The following DPYSL2 variants were observed in gnomAD, a reference collection of about 807,000 sequenced individuals.
The protein encoded by DPYSL2 is dihydropyrimidinase-related protein 2.
A neutral mutation model predicts 69.9 loss-of-function variants in DPYSL2; 13 were observed. The ratio of observed to expected loss-of-function variants is 0.19; its 90% CI spans 0.12 to 0.30. The LOEUF (loss-of-function observed/expected upper bound fraction) is 0.30, where lower values mean the gene tolerates loss of function less well. Ranked by LOEUF, DPYSL2 falls within the 10% of genes least tolerant of loss-of-function variation. DPYSL2 has a pLI of 1.00. For synonymous variants in DPYSL2, 326 were observed against 359.1 expected, an observed-to-expected ratio of 0.91 and a Z score of 1.04; for missense variants, 587 against 918.9, an observed-to-expected ratio of 0.64 and a Z score of 4.67.
intron 3 of DPYSL2, among the ~76,000 whole-genome samples, chr8:26,594,750 A>C (rs1276861447): frequency 6.6e-6 from 1 of 152,202 alleles, no homozygotes; most frequent in Non-Finnish European, 1.5e-5. Context: ...GTTGCATGCC[A>C]CCTGATTCCA....
At chr8:26,579,553 G>A (rs1801439342) in intron 1 of DPYSL2, among the ~76,000 whole-genome samples, 1 of 152,218 alleles carries the variant, frequency 6.6e-6, no homozygotes. Context: ...TTTGGTTCTG[G>A]TTTTCCCTTT....
At position 26,624,341 on chromosome 8, in the gene DPYSL2, G is replaced by A; in HGVS notation, c.793+34G>A. 2 of 1,606,182 alleles carry A rather than the reference G, an allele frequency of 1.2e-6. No individual in the cohort carries two copies. Among genetic ancestry groups the A allele is most frequent in the Admixed American group, 1.7e-5 (1 of 59,690 alleles). On this transcript the variant is annotated intron_variant, in intron 4 of 13. Transcript: ENST00000521913. This position sits in a 1 kb window ranked among gnomAD's most constrained non-coding sequence, Gnocchi z 4.7. ...CACTGAGTCAATGCCCTCTGCAGAT[G>A]TTTCCGCTTCAGTCCATCAACTGGC... is the stretch of plus-strand genomic sequence containing the variant.
chr8:26,579,963 C>G (rs556545839), intron 1 of DPYSL2, among the ~76,000 whole-genome samples: 2 of 150,326 alleles, frequency 1.3e-5, no homozygotes, highest in Non-Finnish European at 3.0e-5. Context: ...CGCCCCCCCC[C>G]CCACACCCTT....
intron 7 of DPYSL2, among the ~76,000 whole-genome samples, chr8:26,630,265 C>T (rs1802738982): frequency 6.6e-6 from 1 of 152,234 alleles, no homozygotes; most frequent in South Asian, 2.1e-4. Flanking sequence ...TCTGGGCCGG[C>T]TTCTGTGACT....
At chr8:26,556,192 T>TAGTATA (rs370573016) in intron 1 of DPYSL2, among the ~76,000 whole-genome samples, 154 of 9,008 alleles carry the variant, frequency 0.017, 27 homozygotes, top group South Asian at 0.035. Flanking sequence ...ACTATATATA[T>TAGTATA]TATATATACT....
At position 26,653,568 on chromosome 8, in the gene DPYSL2, C is replaced by CT. The variant is rs1388365823; in HGVS notation, c.1942+179dup. 3.3e-5 allele frequency among the ~76,000 whole-genome samples: 5 copies of CT among 151,886 alleles called. No individual in the cohort carries two copies. Among genetic ancestry groups the CT allele is most frequent in the African/African-American group, 4.8e-5 (2 of 41,342 alleles). ...ATCTCTGGAGATGTATTTTCTTTTT[C>CT]TTTTTTTTGAGGCAGGGTCTCGCTC... On this transcript the variant is annotated intron_variant, in intron 13 of 13. Coordinates refer to ENST00000521913, the MANE Select transcript of DPYSL2 (RefSeq NM_001197293.3). The surrounding 1 kb of genome is among the most constrained non-coding windows in gnomAD (Gnocchi z 5.7).
At position 26,597,083 on chromosome 8, in the gene DPYSL2, G is replaced by T. The variant is rs1466948843; in HGVS notation, c.628+13100G>T. ...TCAGATATCATACGTCTCCTACTAA[G>T]TGGGAGGCTGCACCCAGCATGGAAG... On this transcript the variant is annotated intron_variant, in intron 3 of 13. Coordinates refer to ENST00000521913, the MANE Select transcript of DPYSL2 (RefSeq NM_001197293.3). The surrounding 1 kb of genome is among the most constrained non-coding windows in gnomAD (Gnocchi z 5.2). 6.6e-6 allele frequency among the ~76,000 whole-genome samples: 1 copy of T among 152,198 alleles called. No individual in the cohort carries two copies. Among genetic ancestry groups the T allele is most frequent in the African/African-American group, 2.4e-5 (1 of 41,466 alleles).
chr8:26,579,389 A>G (rs1207664914), intron 1 of DPYSL2, among the ~76,000 whole-genome samples: 1 of 152,196 alleles, frequency 6.6e-6, no homozygotes, highest in Non-Finnish European at 1.5e-5. Context: ...AATCCCAGGG[A>G]GGGGGGAACA....
At chr8:26,541,690 G>A (rs530071558) in intron 1 of DPYSL2, among the ~76,000 whole-genome samples, 138 of 152,198 alleles carry the variant, frequency 9.1e-4, no homozygotes, top group Non-Finnish European at 1.6e-3. Context: ...CTTGTGTGGG[G>A]GAGTAAAATG....
At chr8:26,600,173 T>C (rs1456803463) in intron 3 of DPYSL2, among the ~76,000 whole-genome samples, 1 of 152,198 alleles carries the variant, frequency 6.6e-6, no homozygotes, top group African/African-American at 2.4e-5. Flanking sequence ...TGGATGGCAT[T>C]TGGGTTGTGT....
rs750240894 is a variant in DPYSL2, at chr8:26,647,492, G to A, written c.1426-138G>A. On this transcript the variant is annotated intron_variant, in intron 10 of 13. Transcript: ENST00000521913. The surrounding 1 kb of genome is among the most constrained non-coding windows in gnomAD (Gnocchi z 5.1). ...TCATACAGTGTGTGACCTTTGAGAC[G>A]GTTTGTGTTTCACTTGGCACAACGC... The A allele has an allele frequency of 3.4e-6, 3 of 872,968 alleles. No homozygotes were observed. Among genetic ancestry groups the A allele is most frequent in the African/African-American group, 3.4e-5 (2 of 58,934 alleles). The allele number at this position is 872,968 out of a possible 1,614,324, so 54.1% of individuals were successfully genotyped here.
chr8:26,603,528 A>G (rs1802041514), intron 3 of DPYSL2, among the ~76,000 whole-genome samples: 1 of 152,172 alleles, frequency 6.6e-6, no homozygotes, highest in East Asian at 1.9e-4. Flanking sequence ...CACTCGAACT[A>G]TTATTAAGTG....
chr8:26,636,733 T>A (rs563349869), intron 8 of DPYSL2, among the ~76,000 whole-genome samples: 6 of 152,188 alleles, frequency 3.9e-5, no homozygotes, highest in Admixed American at 6.5e-5. Flanking sequence ...GTTGTTGTTT[T>A]TTTTAATTTA....
At chr8:26,611,206 C>T (rs1802219292) in intron 3 of DPYSL2, among the ~76,000 whole-genome samples, 1 of 152,254 alleles carries the variant, frequency 6.6e-6, no homozygotes, top group Non-Finnish European at 1.5e-5. Context: ...TTGTGGCTTT[C>T]TGTCCTGTCC....
Position 26,627,666 on chromosome 8 carries a change from G to A in DPYSL2, c.937-206G>A, listed in dbSNP as rs1017935872. ...CCAGGGAACAGCTGAATGGGTTTTG[G>A]GAGGCTGTAATTGATCCATCCTGCT... is the stretch of plus-strand genomic sequence containing the variant. On this transcript the variant is annotated intron_variant, in intron 6 of 13. Coordinates refer to ENST00000521913, the MANE Select transcript of DPYSL2 (RefSeq NM_001197293.3). The surrounding 1 kb of genome is among the most constrained non-coding windows in gnomAD (Gnocchi z 6.9). Among the ~76,000 whole-genome samples the A allele has an allele frequency of 1.3e-5, 2 of 152,180 alleles. No individual in the cohort carries two copies. The highest frequency in any genetic ancestry group is 1.3e-4 in the Admixed American group (2 of 15,278).
chr8:26,607,799 G>T (rs1004272893), intron 3 of DPYSL2, among the ~76,000 whole-genome samples: 1 of 151,764 alleles, frequency 6.6e-6, no homozygotes, highest in East Asian at 1.9e-4. Context: ...AAAAAAATCG[G>T]CTGGGTGTGG....
Position 26,655,607 on chromosome 8 carries a change from C to G in DPYSL2, c.1943-8C>G. ...CTCACCCGCTCCTCTCTTCTCCTCT[C>G]CCTCCAGGTGCTCAGATTGATGACA... On this transcript the variant is annotated splice_region_variant and splice_polypyrimidine_tract_variant and intron_variant, in intron 13 of 13. Transcript: ENST00000521913. 6.2e-7 allele frequency: 1 copy of G among 1,602,296 alleles called. No homozygotes were observed. Among genetic ancestry groups the G allele is most frequent in the South Asian group, 1.1e-5 (1 of 90,474 alleles).
intron 11 of DPYSL2, among the ~76,000 whole-genome samples, chr8:26,649,945 A>G (rs1803248827): frequency 6.6e-6 from 1 of 152,156 alleles, no homozygotes; most frequent in Non-Finnish European, 1.5e-5. Flanking sequence ...CCATCTTTTA[A>G]AAATGATAGA....
At chr8:26,615,452 C>T (rs1437298928) in intron 3 of DPYSL2, among the ~76,000 whole-genome samples, 3 of 152,112 alleles carry the variant, frequency 2.0e-5, no homozygotes, top group African/African-American at 2.4e-5. Context: ...GGAGGACCGA[C>T]GGGAGAGCTG....
Sources: allele counts gnomAD v4.1 joint callset (sites outside exome capture counted in the v4.1 genomes callset), GRCh38; gene constraint gnomAD v4.1.1; non-coding constraint Gnocchi (gnomAD v3.1); transcripts MANE v1.5; gene names NCBI Gene and HGNC (gene_info 2026-07-23, HGNC 2026-07-21).